Variants in MRC2 observed in about 807,000 individuals in gnomAD.
MRC2 encodes C-type mannose receptor 2.
MRC2 carries 84 observed loss-of-function variants against 206.2 expected under a neutral mutation model. The observed-to-expected ratio is 0.41, with a 90% CI of 0.34 to 0.49. MRC2 has a LOEUF of 0.49. Ranked by LOEUF, MRC2 falls within the 20% of genes least tolerant of loss-of-function variation. The probability of loss-of-function intolerance (pLI) is 0.31; values close to 1 mark genes in which losing one functional copy is unlikely to be tolerated. For synonymous variants in MRC2, 798 were observed against 800.0 expected, an observed-to-expected ratio of 1.00 and a Z score of 0.04; for missense variants, 1,676 against 2,001.5, an observed-to-expected ratio of 0.84 and a Z score of 3.10.
At chr17:62,665,120 C>T (rs371276993) in intron 2 of MRC2, among the ~76,000 whole-genome samples, 171 bp downstream of exon 2, 65 of 152,308 alleles carry the variant, frequency 4.3e-4, no homozygotes, top group African/African-American at 1.5e-3. Flanking sequence ...TAACTTCAGG[C>T]CAGGTGCGGT....
At chr17:62,655,301 G>A in intron 1 of MRC2, among the ~76,000 whole-genome samples, 1 of 144,078 alleles carries the variant, frequency 6.9e-6, no homozygotes. Flanking sequence ...AAACACTTTG[G>A]GAGGCCAAGG....
In MRC2 at chr17:62,664,933, T is replaced by C; in HGVS notation, c.504T>C (p.Cys168=). 1 of 1,608,526 alleles carries C rather than the reference T, an allele frequency of 6.2e-7. No homozygotes were observed. The highest frequency in any genetic ancestry group is 8.5e-7 in the Non-Finnish European group (1 of 1,178,702). ...WRIYGSEEDL[C]ALPYHEVYTI... ...TCTACGGCAGCGAGGAGGACCTATG[T>C]GCTCTGCCCTACCACGGTGAGGGGC... Residue 168 remains cysteine, a synonymous_variant, in exon 2 of 30, where the codon TGT becomes TGC. Transcript: ENST00000303375. The surrounding 1 kb of genome is among the most constrained non-coding windows in gnomAD (Gnocchi z 4.7).
At chr17:62,636,704 C>G (rs2088325193) in intron 1 of MRC2, among the ~76,000 whole-genome samples, 1 of 151,974 alleles carries the variant, frequency 6.6e-6, no homozygotes, top group African/African-American at 2.4e-5. Context: ...AACCTCCTGA[C>G]CTCGTGATCC....
intron 1 of MRC2, among the ~76,000 whole-genome samples, chr17:62,644,283 G>T (rs1267667060): frequency 6.6e-6 from 1 of 152,018 alleles, no homozygotes; most frequent in Non-Finnish European, 1.5e-5. Flanking sequence ...GCAAGGTGTG[G>T]TGATGGGCAC....
intron 1 of MRC2, among the ~76,000 whole-genome samples, chr17:62,645,497 TTATA>T (rs1201996433): frequency 0.011 from 988 of 93,400 alleles, 16 homozygotes; most frequent in Admixed American, 0.016. Context: ...TGTGTATATA[TTATA>T]TATATATATA....
chr17:62,648,049 A>G (rs945117899), intron 1 of MRC2, among the ~76,000 whole-genome samples: 4 of 152,334 alleles, frequency 2.6e-5, no homozygotes, highest in Middle Eastern at 3.4e-3. Flanking sequence ...ACTCAAAGCC[A>G]GCTTTGAATC....
intron 22 of MRC2, 32 bp from the exon 23 acceptor site, chr17:62,688,820 T>G (rs774160270): frequency 6.3e-7 from 1 of 1,588,684 alleles, no homozygotes; most frequent in Non-Finnish European, 8.6e-7. Flanking sequence ...AGGCAGCTGC[T>G]GGGGCTCCCC....
In MRC2 at chr17:62,689,596, T is replaced by C; in HGVS notation, c.3409T>C (p.Phe1137Leu). Residue 1137 changes from phenylalanine (F) to leucine (L), a missense_variant, in exon 24 of 30, where the codon TTC becomes CTC. Physicochemically the swap from Phe to Leu is conservative, Grantham distance 22. Transcript: ENST00000303375. Reference protein sequence around the residue: ...GTELSYLNGTFRLLQKPLRWH... With the variant: ...GTELSYLNGTLRLLQKPLRWH... ...TGAGCTCTCCTACCTCAACGGCACCTTCCGGCTGCTTCAGAAGCCGCTGCG... is the reference window on the plus strand; with the variant it reads ...TGAGCTCTCCTACCTCAACGGCACCCTCCGGCTGCTTCAGAAGCCGCTGCG... 6.2e-7 allele frequency: 1 copy of C among 1,603,418 alleles called. No individual in the cohort carries two copies. The highest frequency in any genetic ancestry group is 8.5e-7 in the Non-Finnish European group (1 of 1,175,418).
chr17:62,685,473 G>C (rs1379577096), intron 20 of MRC2, among the ~76,000 whole-genome samples: 2 of 152,032 alleles, frequency 1.3e-5, no homozygotes, highest in Non-Finnish European at 1.5e-5. Flanking sequence ...ATATGTAATA[G>C]GTCCCATTCT....
chr17:62,678,386 AG>A lies in MRC2; in HGVS notation c.2053-117del, dbSNP rs2088919863. The stretch of plus-strand genomic sequence containing the variant: ...AACAGGATTGTCCTTAGCTAGCCTT[AG>A]CCCCCTGTCCAGTAAGGCTCCAGGC... On this transcript the variant is annotated intron_variant, in intron 12 of 29. Coordinates refer to ENST00000303375, the MANE Select transcript of MRC2 (RefSeq NM_006039.5). The A allele has an allele frequency of 6.5e-6, 9 of 1,376,596 alleles. No homozygotes were observed. The South Asian group carries it at 1.3e-4, about 20-fold the overall frequency. The allele number at this position is 1,376,596 out of a possible 1,614,324, so 85.3% of individuals were successfully genotyped here. A position where few individuals can be genotyped will look rare whatever the true frequency, so the allele number is the denominator to read the frequency against.
chr17:62,668,028 T>A (rs908444801), intron 6 of MRC2, among the ~76,000 whole-genome samples: 3 of 151,856 alleles, frequency 2.0e-5, no homozygotes, highest in African/African-American at 7.3e-5. Context: ...TATGCAAAGG[T>A]GTGGAGGCCT....
At chr17:62,655,716 C>A (rs1320403023) in intron 1 of MRC2, among the ~76,000 whole-genome samples, 1 of 97,758 alleles carries the variant, frequency 1.0e-5, no homozygotes, top group African/African-American at 3.9e-5. Context: ...GAAACTCTGT[C>A]TCTTTAAAAA....
At chr17:62,638,895 G>A (rs183023495) in intron 1 of MRC2, among the ~76,000 whole-genome samples, 1 of 152,100 alleles carries the variant, frequency 6.6e-6, no homozygotes, top group African/African-American at 2.4e-5. Flanking sequence ...CTCCAGCCTG[G>A]GTGACAAAGC....
intron 1 of MRC2, among the ~76,000 whole-genome samples, chr17:62,644,576 G>T (rs2088451347): frequency 6.6e-6 from 1 of 152,094 alleles, no homozygotes; most frequent in Admixed American, 6.6e-5. Context: ...TCGTATCTTG[G>T]GCCATGGAGT....
intron 1 of MRC2, among the ~76,000 whole-genome samples, chr17:62,629,973 G>A (rs1157765609): frequency 1.3e-5 from 2 of 152,242 alleles, no homozygotes; most frequent in Non-Finnish European, 1.5e-5. Flanking sequence ...CCTTCTTGGT[G>A]CGTGATGGTG....
intron 18 of MRC2, 135 bp from the exon 19 acceptor site, chr17:62,681,702 C>T (rs1164545225): frequency 1.4e-5 from 10 of 693,976 alleles, no homozygotes; most frequent in East Asian, 2.8e-5. Flanking sequence ...GTAGCTCCAC[C>T]CCTCAGCCTA....
Position 62,690,246 on chromosome 17 carries a change from A to G in MRC2, c.3833A>G (p.Tyr1278Cys), listed in dbSNP as rs1178057062. Residue 1278 changes from tyrosine (Y) to cysteine (C), a missense_variant, in exon 26 of 30, where the codon TAT (tyrosine) becomes TGT (cysteine). Coordinates refer to ENST00000303375, the MANE Select transcript of MRC2 (RefSeq NM_006039.5). ...SAWIPFREHC[Y>C]SFHMELLLGH... ...TGGATTCCCTTCCGGGAGCACTGCT[A>G]TTCTTTCCACATGGAGCTGCTGCTG... 5.0e-6 allele frequency: 8 copies of G among 1,613,348 alleles called. No individual in the cohort carries two copies. The highest frequency in any genetic ancestry group is 5.9e-6 in the Non-Finnish European group (7 of 1,179,638).
chr17:62,647,099 C>T (rs926781307), intron 1 of MRC2, among the ~76,000 whole-genome samples: 1 of 151,344 alleles, frequency 6.6e-6, no homozygotes, highest in African/African-American at 2.4e-5. Flanking sequence ...ACTTTAAGAA[C>T]AAGAATGCAA....
intron 1 of MRC2, among the ~76,000 whole-genome samples, chr17:62,657,339 C>G (rs1229011603): frequency 6.6e-6 from 1 of 152,218 alleles, no homozygotes; most frequent in African/African-American, 2.4e-5. Context: ...CTCAATACAT[C>G]ATTGTTGGAT....
Sources: gnomAD v4.1 joint callset for allele counts (sites outside exome capture counted in the v4.1 genomes callset) on GRCh38, gnomAD v4.1.1 for gene constraint, Gnocchi (gnomAD v3.1) non-coding constraint, MANE v1.5 for transcripts, NCBI Gene and HGNC (gene_info 2026-07-23, HGNC 2026-07-21) for gene names.